Variants in RPA1 observed in about 807,000 individuals in gnomAD.
RPA1 encodes the protein replication protein A1.
In RPA1, 49 loss-of-function variants were observed where a neutral mutation model predicts 83.0. That is an observed-to-expected ratio of 0.59 (90% CI 0.47 to 0.75). The LOEUF (loss-of-function observed/expected upper bound fraction) is 0.75, where lower values mean the gene tolerates loss of function less well. RPA1 is among the 30% of genes least tolerant of loss of function. RPA1 has a pLI of 0.00. For synonymous variants in RPA1, 279 were observed against 281.8 expected, an observed-to-expected ratio of 0.99 and a Z score of 0.10; for missense variants, 693 against 776.1, an observed-to-expected ratio of 0.89 and a Z score of 1.27.
rs4541110 is a variant in RPA1 at position 1,880,905 on chromosome 17, G to C, written c.1241+214G>C. On this transcript the variant is annotated intron_variant, in intron 12 of 16. Transcript: ENST00000254719. Reference sequence around the variant, plus strand: ...ATCCCAGGACAAACCTAGAGAGTCGGAGGAGGCAATTAGCATGTAAGTGCT... The same window carrying C: ...ATCCCAGGACAAACCTAGAGAGTCGCAGGAGGCAATTAGCATGTAAGTGCT... 1.1e-3 allele frequency among the ~76,000 whole-genome samples: 162 copies of C among 152,314 alleles called. 1 individual carries two copies. The East Asian group carries it at 0.026, about 25-fold the overall frequency.
chr17:1,869,247 C>A (rs1486343876), intron 5 of RPA1, among the ~76,000 whole-genome samples: 1 of 152,078 alleles, frequency 6.6e-6, no homozygotes, highest in East Asian at 1.9e-4. Context: ...TCTGAAATAT[C>A]CTGTTTCGGC....
intron 13 of RPA1, among the ~76,000 whole-genome samples, chr17:1,885,401 G>A (rs1450298992): frequency 6.6e-6 from 1 of 152,092 alleles, no homozygotes; most frequent in African/African-American, 2.4e-5. Context: ...CTACCTTGAG[G>A]GTTGGAATCA....
chr17:1,897,161 A>G lies in RPA1; in HGVS notation c.1837A>G (p.Ser613Gly). 5 of 1,557,068 alleles carry G rather than the reference A, an allele frequency of 3.2e-6. No homozygotes were observed. The highest frequency in any genetic ancestry group is 3.5e-6 in the Non-Finnish European group (4 of 1,150,106). The change falls in exon 17 of 17, where the codon AGT (serine) becomes GGT (glycine). Residue 613 changes from serine to glycine, a missense_variant. Transcript: ENST00000254719. ...AAGGCTGGTCATGAGCATCAGGAGAAGTGCATTGATGTGAGAGGAGCAGTG... is the reference window on the plus strand; with the variant it reads ...AAGGCTGGTCATGAGCATCAGGAGAGGTGCATTGATGTGAGAGGAGCAGTG... Reference protein sequence around the residue: ...GRRLVMSIRRSALM With the variant: ...GRRLVMSIRRGALM
At chr17:1,846,878 T>A (rs1474886804) in intron 4 of RPA1, among the ~76,000 whole-genome samples, 1 of 152,184 alleles carries the variant, frequency 6.6e-6, no homozygotes, top group African/African-American at 2.4e-5. Flanking sequence ...TCTCTTCTAC[T>A]CCTCAATCTT....
At chr17:1,865,066 G>T (rs1317074597) in intron 5 of RPA1, among the ~76,000 whole-genome samples, 1 of 152,216 alleles carries the variant, frequency 6.6e-6, no homozygotes, top group Non-Finnish European at 1.5e-5. Context: ...GAAAGTTGGA[G>T]AATCTCAGGT....
intron 2 of RPA1, 76 bp downstream of exon 2, chr17:1,842,929 AC>A: frequency 2.0e-6 from 3 of 1,489,572 alleles, no homozygotes; most frequent in Non-Finnish European, 2.8e-6. Context: ...TTGATGAAGG[AC>A]AGACAGATTT....
chr17:1,850,946 A>T (rs4790829), intron 4 of RPA1, among the ~76,000 whole-genome samples: 62,410 of 151,940 alleles, frequency 0.41, 13,123 homozygotes, highest in East Asian at 0.53. Context: ...TTTTATTTTT[A>T]AAAATCTTTT....
chr17:1,842,780 CA>C (rs1212910969), intron 1 of RPA1, 22 bp from the exon 2 acceptor site: 1 of 1,611,814 alleles, frequency 6.2e-7, no homozygotes. Context: ...GTATCTCACA[CA>C]AACCTGTTTT....
At chr17:1,865,514 G>A (rs1567814653) in intron 5 of RPA1, among the ~76,000 whole-genome samples, 1 of 152,092 alleles carries the variant, frequency 6.6e-6, no homozygotes, top group Non-Finnish European at 1.5e-5. Context: ...ATCTTGAATA[G>A]ATAATATGGT....
chr17:1,879,321 G>A lies in RPA1; in HGVS notation c.866G>A (p.Cys289Tyr), dbSNP rs78419656. The A allele has an allele frequency of 1.1e-5, 17 of 1,614,206 alleles. No homozygotes were observed. The highest frequency in any genetic ancestry group is 2.2e-5 in the East Asian group (1 of 44,880). The change falls in exon 10 of 17, where the codon TGT becomes TAT. Residue 289 changes from cysteine (C) to tyrosine (Y), a missense_variant. Physicochemically the swap from Cys to Tyr is radical, Grantham distance 194. Coordinates refer to ENST00000254719, the MANE Select transcript of RPA1 (RefSeq NM_002945.5). ...TFNNETSVMP[C>Y]EDDHHLPTVQ... Reference sequence around the variant, plus strand: ...AATAACGAGACTTCCGTCATGCCCTGTGAGGACGACCATCATTTACCTACG... The same window carrying A: ...AATAACGAGACTTCCGTCATGCCCTATGAGGACGACCATCATTTACCTACG...
chr17:1,857,267 CT>C (rs35514214), intron 5 of RPA1, among the ~76,000 whole-genome samples: 42 of 134,810 alleles, frequency 3.1e-4, no homozygotes, highest in Non-Finnish European at 5.4e-4. Flanking sequence ...TTTTCTTTTT[CT>C]TTTTTTTTTT....
At chr17:1,894,394 C>T (rs1206934067) in intron 15 of RPA1, among the ~76,000 whole-genome samples, 3 of 152,132 alleles carry the variant, frequency 2.0e-5, no homozygotes, top group South Asian at 2.1e-4. Flanking sequence ...CTTGAACTCC[C>T]AACCTCAAGT....
chr17:1,852,577 G>A (rs7220634), intron 4 of RPA1, among the ~76,000 whole-genome samples: 2 of 152,070 alleles, frequency 1.3e-5, no homozygotes. Context: ...CGGGAGGGGG[G>A]TTAGCAAGGC....
rs768823385 is a variant in RPA1 at position 1,853,199 on chromosome 17, TTTGGCGTAGGTTGTAGCACTCAAA to T, written c.361+12_361+35del. 3.1e-6 allele frequency: 5 copies of T among 1,608,150 alleles called. No homozygotes were observed. Among genetic ancestry groups the T allele is most frequent in the Non-Finnish European group, 4.3e-6 (5 of 1,174,674 alleles). ...GTGCCCTATAATGAAGGTAAAATGC[TTTGGCGTAGGTTGTAGCACTCAAA>T]TGAATACCTCTTTATATATTCGGAG... is the stretch of plus-strand genomic sequence containing the variant. On this transcript the variant is annotated intron_variant, in intron 5 of 16. Transcript: ENST00000254719.
intron 4 of RPA1, among the ~76,000 whole-genome samples, chr17:1,846,146 C>T (rs1251386789): frequency 6.6e-6 from 1 of 151,970 alleles, no homozygotes; most frequent in Non-Finnish European, 1.5e-5. Context: ...CCGTCTTCCC[C>T]ATTATCAGCC....
At chr17:1,868,734 G>A (rs117833678) in intron 5 of RPA1, among the ~76,000 whole-genome samples, 16 of 152,180 alleles carry the variant, frequency 1.1e-4, no homozygotes, top group Middle Eastern at 3.4e-3. Flanking sequence ...GCGAGACCCC[G>A]TCTCAGGAAA....
intron 5 of RPA1, among the ~76,000 whole-genome samples, chr17:1,866,919 A>T (rs1913196908): frequency 6.6e-6 from 1 of 152,100 alleles, no homozygotes; most frequent in Non-Finnish European, 1.5e-5. Context: ...TTCTAATGAG[A>T]GATGTGTATA....
At chr17:1,860,996 T>C (rs1912938443) in intron 5 of RPA1, among the ~76,000 whole-genome samples, 1 of 152,180 alleles carries the variant, frequency 6.6e-6, no homozygotes, top group Admixed American at 6.5e-5. Context: ...TTCTACCTCG[T>C]GCCCCATGAA....
chr17:1,862,717 CT>C (rs71150827), intron 5 of RPA1, among the ~76,000 whole-genome samples: 22 of 51,792 alleles, frequency 4.2e-4, no homozygotes, highest in South Asian at 2.1e-3. Flanking sequence ...CTGTGCCCAG[CT>C]TTTTTTTTTT....
Sources: gnomAD v4.1 joint callset for allele counts (sites outside exome capture counted in the v4.1 genomes callset) on GRCh38, gnomAD v4.1.1 for gene constraint, MANE v1.5 for transcripts, NCBI Gene and HGNC (gene_info 2026-07-23, HGNC 2026-07-21) for gene names.